The following SHTN1 variants were observed in gnomAD, a reference collection of about 807,000 sequenced individuals.
SHTN1 encodes shootin-1.
SHTN1 carries 42 observed loss-of-function variants against 83.1 expected under a neutral mutation model. That is an observed-to-expected ratio of 0.51 (90% CI 0.39 to 0.65). The LOEUF (loss-of-function observed/expected upper bound fraction) is 0.65. Among genes scored for constraint, SHTN1 ranks in the 30% least tolerant of loss-of-function variants. The pLI, the probability that SHTN1 is intolerant of heterozygous loss-of-function variation, is 0.00. For synonymous variants in SHTN1, 224 were observed against 247.7 expected, an observed-to-expected ratio of 0.90 and a Z score of 0.90; for missense variants, 622 against 737.8, an observed-to-expected ratio of 0.84 and a Z score of 1.82.
At chr10:117,007,901 G>A (rs1484976376), upstream of SHTN1, among the ~76,000 whole-genome samples, 3 of 151,604 alleles carry the variant, frequency 2.0e-5, no homozygotes, top group Admixed American at 6.6e-5. Flanking sequence ...CCAGCTACTC[G>A]GGAGGCTGAG....
At chr10:117,055,145 G>T (rs1380596209) in intron 1 of SHTN1, among the ~76,000 whole-genome samples, 1 of 152,100 alleles carries the variant, frequency 6.6e-6, no homozygotes, top group Non-Finnish European at 1.5e-5. Context: ...ATCGAATCTC[G>T]TGAGAACTCA....
rs374820878 is a variant in SHTN1, at chr10:117,046,939, A to G, written c.-123+1506T>C. On this transcript the variant is annotated intron_variant, in intron 2 of 17. Coordinates refer to the SHTN1 transcript ENST00000392901. ...ATTAGATAATGGTGATAGTTGTACA[A>G]CTTTGTAAATATATTAGAAACCACT... Among the ~76,000 whole-genome samples the G allele has an allele frequency of 3.9e-5, 6 of 152,148 alleles. No individual in the cohort carries two copies. The South Asian group carries it at 8.3e-4, about 21-fold the overall frequency.
At chr10:117,051,046 G>A (rs991721420) in intron 1 of SHTN1, among the ~76,000 whole-genome samples, 1 of 152,118 alleles carries the variant, frequency 6.6e-6, no homozygotes, top group African/African-American at 2.4e-5. Flanking sequence ...GACAGAGTGA[G>A]ATCCTGTCTC....
At position 116,881,756 on chromosome 10, in the gene SHTN1, T is replaced by C. The variant is rs1847022753; in HGVS notation, c.*4588A>G. ...TACGGCGCCGTGTCTCCACATGGAG[T>C]TTCCTCTTCAACTTCACCAACTCTT... On this transcript the variant is annotated 3_prime_UTR_variant, in exon 17 of 17. Coordinates refer to ENST00000355371, the MANE Select transcript of SHTN1 (RefSeq NM_001127211.3). 1 of 1,046,806 alleles carries C rather than the reference T, an allele frequency of 9.6e-7. No homozygotes were observed. Among genetic ancestry groups the C allele is most frequent in the Non-Finnish European group, 1.3e-6 (1 of 789,572 alleles). 64.8% of individuals were successfully genotyped at this position (1,046,806 alleles called of 1,614,324 possible). A position where few individuals can be genotyped will look rare whatever the true frequency, so the allele number is the denominator to read the frequency against.
Position 116,977,676 on chromosome 10 carries a change from G to GTGTGTA in SHTN1, c.111+1579_111+1580insTACACA, listed in dbSNP as rs1480508386. On this transcript the variant is annotated intron_variant, in intron 2 of 16. Transcript: ENST00000355371. ...ACTTTCTTACTCTGTGTGTGTGTGT[G>GTGTGTA]TGTGTGTGTGTGTTTTGAGACAAGA... Among the ~76,000 whole-genome samples the GTGTGTA allele has an allele frequency of 4.0e-4, 60 of 151,662 alleles. 1 individual carries two copies. The highest frequency in any genetic ancestry group is 1.2e-3 in the African/African-American group (50 of 41,348).
intron 12 of SHTN1, among the ~76,000 whole-genome samples, chr10:116,920,432 CAG>C (rs1342409736): frequency 5.9e-5 from 9 of 152,144 alleles, no homozygotes; most frequent in African/African-American, 2.2e-4. Flanking sequence ...TCCAATGAAC[CAG>C]AGTCCTGTGA....
chr10:117,089,877 C>T (rs80181554), intron 1 of SHTN1, among the ~76,000 whole-genome samples: 2,541 of 152,144 alleles, frequency 0.017, 61 homozygotes, highest in East Asian at 0.12. Context: ...ACCTCATACC[C>T]ATTAGAATGG....
At chr10:116,958,715 G>C (rs1211063599) in intron 4 of SHTN1, among the ~76,000 whole-genome samples, 1 of 152,102 alleles carries the variant, frequency 6.6e-6, no homozygotes. Context: ...ACAGAATAAA[G>C]TAATTTTTTA....
intron 14 of SHTN1, among the ~76,000 whole-genome samples, chr10:116,911,286 T>C (rs543918434): frequency 6.6e-6 from 1 of 151,944 alleles, no homozygotes; most frequent in Non-Finnish European, 1.5e-5. Flanking sequence ...ACTAGTAACA[T>C]AAAAAAAGGG....
intron 2 of SHTN1, among the ~76,000 whole-genome samples, chr10:117,043,628 C>T (rs2133582465): frequency 6.6e-6 from 1 of 152,110 alleles, no homozygotes; most frequent in African/African-American, 2.4e-5. Flanking sequence ...ACTGCTTGAG[C>T]CCAGGAGTTT....
chr10:116,964,183 G>A (rs1850309280), intron 3 of SHTN1, among the ~76,000 whole-genome samples: 1 of 152,126 alleles, frequency 6.6e-6, no homozygotes, highest in African/African-American at 2.4e-5. Flanking sequence ...GAATTGCTTA[G>A]GAAACAACTA....
At chr10:116,988,818 G>A (rs1851314817) in intron 1 of SHTN1, among the ~76,000 whole-genome samples, 1 of 152,032 alleles carries the variant, frequency 6.6e-6, no homozygotes, top group Non-Finnish European at 1.5e-5. Context: ...GGGATTATAG[G>A]CATGAACCAT....
At chr10:117,068,411 C>T (rs1384596755) in intron 1 of SHTN1, among the ~76,000 whole-genome samples, 3 of 151,890 alleles carry the variant, frequency 2.0e-5, no homozygotes, top group Non-Finnish European at 4.4e-5. Flanking sequence ...TTACTGGGTC[C>T]GCCCAATATA....
chr10:117,075,797 T>C (rs1218571067), intron 1 of SHTN1, among the ~76,000 whole-genome samples: 1 of 152,030 alleles, frequency 6.6e-6, no homozygotes, highest in Admixed American at 6.6e-5. Flanking sequence ...AGAACAATCA[T>C]GTAAGGAGGA....
intron 1 of SHTN1, among the ~76,000 whole-genome samples, chr10:117,063,650 A>G (rs568134055): frequency 6.6e-6 from 1 of 152,078 alleles, no homozygotes; most frequent in Non-Finnish European, 1.5e-5. Flanking sequence ...TGGCATTAAG[A>G]TCCTACATGA....
At chr10:116,911,031 C>A (rs1848169102) in intron 14 of SHTN1, among the ~76,000 whole-genome samples, 3 of 152,228 alleles carry the variant, frequency 2.0e-5, no homozygotes, top group Non-Finnish European at 4.4e-5. Flanking sequence ...AGTATTCAGT[C>A]TTGTACCTCC....
chr10:117,123,848 C>G (rs933812668), intron 1 of SHTN1, among the ~76,000 whole-genome samples: 3 of 145,748 alleles, frequency 2.1e-5, no homozygotes, highest in African/African-American at 7.7e-5. Flanking sequence ...GGCAGTGAGT[C>G]GAGATCACAT....
intron 9 of SHTN1, among the ~76,000 whole-genome samples, chr10:116,938,269 T>C (rs1199483172): frequency 6.6e-6 from 1 of 152,160 alleles, no homozygotes; most frequent in Non-Finnish European, 1.5e-5. Flanking sequence ...ATTTTCAGCC[T>C]TTTTGCACTA....
intron 9 of SHTN1, among the ~76,000 whole-genome samples, chr10:116,934,025 G>C (rs193295830): frequency 4.6e-4 from 69 of 151,386 alleles, no homozygotes; most frequent in African/African-American, 1.6e-3. Context: ...TTTTTTTCTT[G>C]TGAATTTGTT....
Sources: gnomAD v4.1 joint callset for allele counts (sites outside exome capture counted in the v4.1 genomes callset) on GRCh38, gnomAD v4.1.1 for gene constraint, MANE v1.5 for transcripts, NCBI Gene and HGNC (gene_info 2026-07-23, HGNC 2026-07-21) for gene names.